Variants in RANBP10 observed in about 807,000 individuals in gnomAD.
The protein encoded by RANBP10 is ran-binding protein 10.
RANBP10 carries 24 observed loss-of-function variants against 72.8 expected under a neutral mutation model. The observed-to-expected ratio is 0.33, with a 90% CI of 0.24 to 0.46. The LOEUF is 0.46. RANBP10 is among the 20% of genes least tolerant of loss of function. RANBP10 has a pLI of 1.00. For missense variants in RANBP10, 679 were observed against 817.5 expected (o/e 0.83, Z 2.07); for synonymous variants, 310 against 322.3 (o/e 0.96, Z 0.41).
intron 13 of RANBP10, among the ~76,000 whole-genome samples, 179 bp downstream of exon 13, chr16:67,727,148 G>C (rs1285883060): frequency 2.0e-5 from 3 of 152,206 alleles, no homozygotes; most frequent in Admixed American, 6.5e-5. Flanking sequence ...ACAACAACTA[G>C]CCAGGCGTGG....
At chr16:67,735,490 C>T (rs540036315) in intron 5 of RANBP10, among the ~76,000 whole-genome samples, 3 of 152,314 alleles carry the variant, frequency 2.0e-5, no homozygotes, top group East Asian at 3.9e-4. Context: ...CACAGTGGCT[C>T]ATGCCTGTAA....
At chr16:67,785,134 C>A (rs1455462486) in intron 2 of RANBP10, among the ~76,000 whole-genome samples, 3 of 151,768 alleles carry the variant, frequency 2.0e-5, no homozygotes, top group African/African-American at 7.3e-5. Context: ...ATCACTGGAA[C>A]CCTGGAAGAG....
intron 2 of RANBP10, among the ~76,000 whole-genome samples, chr16:67,787,996 A>G (rs1165472066): frequency 6.6e-6 from 1 of 151,986 alleles, no homozygotes; most frequent in Non-Finnish European, 1.5e-5. Flanking sequence ...ATGCCAACAC[A>G]CTCAGCTAAT....
At chr16:67,737,931 C>A in intron 5 of RANBP10, 82 bp downstream of exon 5, 2 of 1,489,608 alleles carry the variant, frequency 1.3e-6, no homozygotes, top group Non-Finnish European at 1.8e-6. Flanking sequence ...GACTCCACAC[C>A]CTGCACTTGC....
chr16:67,790,091 G>A (rs2054995987), intron 2 of RANBP10, among the ~76,000 whole-genome samples: 1 of 150,540 alleles, frequency 6.6e-6, no homozygotes, highest in Non-Finnish European at 1.5e-5. Context: ...ATGAGACTCT[G>A]TCTCAAATTA....
chr16:67,747,817 C>CTTT (rs1160482023), intron 3 of RANBP10, among the ~76,000 whole-genome samples: 7 of 121,316 alleles, frequency 5.8e-5, no homozygotes, highest in Admixed American at 1.7e-4. Flanking sequence ...ATTTTCTTTT[C>CTTT]TTTTTTTTTT....
At chr16:67,756,319 G>C (rs1222471875) in intron 3 of RANBP10, among the ~76,000 whole-genome samples, 1 of 152,214 alleles carries the variant, frequency 6.6e-6, no homozygotes, top group Non-Finnish European at 1.5e-5. Flanking sequence ...CTCAGAAGCC[G>C]CAAGTTAGTC....
chr16:67,762,824 T>G (rs2054424814), intron 3 of RANBP10, among the ~76,000 whole-genome samples: 1 of 152,184 alleles, frequency 6.6e-6, no homozygotes, highest in African/African-American at 2.4e-5. Flanking sequence ...CCCAAGTGCA[T>G]GATGCCAGGT....
intron 2 of RANBP10, among the ~76,000 whole-genome samples, chr16:67,776,670 G>T (rs1023735651): frequency 2.7e-5 from 4 of 150,720 alleles, no homozygotes; most frequent in African/African-American, 9.8e-5. Context: ...CTACTTGGGA[G>T]GCCAAGGCAG....
rs1453469336 is a variant in RANBP10, at chr16:67,724,831, G to A, written c.*1597C>T. 3.3e-5 allele frequency: 5 copies of A among 152,306 alleles called. No individual in the cohort carries two copies. Among genetic ancestry groups the A allele is most frequent in the Non-Finnish European group, 5.9e-5 (4 of 68,082 alleles). 9.4% of individuals were successfully genotyped at this position (152,306 alleles called of 1,614,324 possible). A position where few individuals can be genotyped will look rare whatever the true frequency, so the allele number is the denominator to read the frequency against. ...CAAAGCCCAGATTCAGGCAGGGACT[G>A]AAAGTTCAACTTCCGGCCTTGCCAT... is the stretch of plus-strand genomic sequence containing the variant. On this transcript the variant is annotated 3_prime_UTR_variant, in exon 14 of 14. Transcript: ENST00000317506.
At chr16:67,731,118 A>T (rs2143001655) in intron 7 of RANBP10, 2 of 279,694 alleles carry the variant, frequency 7.2e-6, no homozygotes, top group South Asian at 7.0e-5. Flanking sequence ...AGGCAGGCAA[A>T]CAGCCTTCCT....
intron 2 of RANBP10, among the ~76,000 whole-genome samples, chr16:67,781,392 G>C (rs1260865336): frequency 6.6e-6 from 1 of 152,186 alleles, no homozygotes; most frequent in Non-Finnish European, 1.5e-5. Context: ...GCCTGGGAGG[G>C]AGGGCGGCAA....
In RANBP10 at chr16:67,795,031, G is replaced by C. The variant is rs1178108792; in HGVS notation, c.347+10397C>G. 2.0e-5 allele frequency among the ~76,000 whole-genome samples: 3 copies of C among 150,680 alleles called. No individual in the cohort carries two copies. In the East Asian group the frequency reaches 5.8e-4, roughly 29 times the overall value. Reference sequence around the variant, plus strand: ...GTACTCCGGGAGGCCAAGACAGGCAGATCACTTAAGCCCAGGAAGATCACC... The same window carrying C: ...GTACTCCGGGAGGCCAAGACAGGCACATCACTTAAGCCCAGGAAGATCACC... On this transcript the variant is annotated intron_variant, in intron 2 of 13. Transcript: ENST00000317506.
In RANBP10 at chr16:67,724,037, G is replaced by A. The variant is rs2053564573; in HGVS notation, c.*2391C>T. On this transcript the variant is annotated 3_prime_UTR_variant, in exon 14 of 14. Coordinates refer to ENST00000317506, the MANE Select transcript of RANBP10 (RefSeq NM_020850.3). ...ACAGTGAGATAAGGCACAGAAAATG[G>A]GGAGGTGGCCATGGGTACCAAGTGC... 6.5e-6 allele frequency: 1 copy of A among 152,724 alleles called. No individual in the cohort carries two copies. 9.5% of individuals were successfully genotyped at this position (152,724 alleles called of 1,614,324 possible). A position where few individuals can be genotyped will look rare whatever the true frequency, so the allele number is the denominator to read the frequency against.
chr16:67,727,415 G>C lies in RANBP10; in HGVS notation c.1644C>G (p.Tyr548Ter). 2 of 1,613,928 alleles carry C rather than the reference G, an allele frequency of 1.2e-6. No individual in the cohort carries two copies. The highest frequency in any genetic ancestry group is 1.7e-6 in the Non-Finnish European group (2 of 1,179,892). ...MLQDAFSLLA[Y>*]SDPWSCPVGQ... ...CAACTGGGCAGCTCCAGGGGTCTGA[G>C]TATGCCAGCAGGCTGAAGGCATCCT... Residue 548 changes from tyrosine to a stop codon, truncating the protein, a stop_gained, in exon 13 of 14, where the codon TAC (tyrosine) becomes TAG (stop). Coordinates refer to ENST00000317506, the MANE Select transcript of RANBP10 (RefSeq NM_020850.3). LOFTEE classifies it high-confidence loss of function.
Position 67,788,030 on chromosome 16 carries a change from G to T in RANBP10, c.348-15944C>A, listed in dbSNP as rs186463229. Among the ~76,000 whole-genome samples the T allele has an allele frequency of 3.6e-3, 548 of 152,194 alleles. 13 individuals are homozygous for T. In the East Asian group the frequency reaches 0.076, roughly 21 times the overall value. ...ATTTTTTTATTTTTAGTAGAGACTGGGTTTCACCATGTTGTCCAGGATGGT... is the reference window on the plus strand; with the variant it reads ...ATTTTTTTATTTTTAGTAGAGACTGTGTTTCACCATGTTGTCCAGGATGGT... On this transcript the variant is annotated intron_variant, in intron 2 of 13. Transcript: ENST00000317506.
chr16:67,759,160 G>A (rs895002386), intron 3 of RANBP10, among the ~76,000 whole-genome samples: 4 of 152,254 alleles, frequency 2.6e-5, no homozygotes, highest in Non-Finnish European at 4.4e-5. Flanking sequence ...GACGGCCCTG[G>A]AAAACCTGTT....
chr16:67,806,363 G>T lies in RANBP10; in HGVS notation c.174C>A (p.Ser58Arg). The T allele has an allele frequency of 6.2e-7, 1 of 1,613,286 alleles. No individual in the cohort carries two copies. Among genetic ancestry groups the T allele is most frequent in the East Asian group, 2.2e-5 (1 of 44,838 alleles). Residue 58 changes from serine to arginine, a missense_variant, in exon 1 of 14, where the codon AGC becomes AGA. By Grantham distance (110) the Ser-to-Arg change is moderately radical. Transcript: ENST00000317506. The part of the protein sequence containing the change: ...QQETPLPRSW[S>R]PKDKYNYIGL... ...CAATGTAGTTGTATTTGTCCTTGGGGCTCCAGGAGCGCGGCAGCGGAGTCT... is the reference window on the plus strand; with the variant it reads ...CAATGTAGTTGTATTTGTCCTTGGGTCTCCAGGAGCGCGGCAGCGGAGTCT...
chr16:67,760,263 T>TTCTTTTCA (rs1567693963), intron 3 of RANBP10, among the ~76,000 whole-genome samples: 1 of 152,222 alleles, frequency 6.6e-6, no homozygotes, highest in Non-Finnish European at 1.5e-5. Context: ...TCAAACACCT[T>TTCTTTTCA]GTTATTTCTT....
Sources: gnomAD v4.1 joint callset for allele counts (sites outside exome capture counted in the v4.1 genomes callset) on GRCh38, gnomAD v4.1.1 for gene constraint, MANE v1.5 for transcripts, NCBI Gene and HGNC (gene_info 2026-07-23, HGNC 2026-07-21) for gene names.